The following MECR variants were observed in gnomAD, a reference collection of about 807,000 sequenced individuals.
The protein encoded by MECR is mitochondrial trans-2-enoyl-CoA reductase.
Under a neutral mutation model 49.1 loss-of-function variants are expected in MECR, and 37 were observed. The observed-to-expected ratio is 0.75, with a 90% CI of 0.58 to 0.99. MECR has a LOEUF of 0.99. MECR is among the 50% of genes least tolerant of loss of function. The pLI is 0.00. For missense variants in MECR, 470 were observed against 479.6 expected, an observed-to-expected ratio of 0.98 and a Z score of 0.19; for synonymous variants, 198 against 191.1, an observed-to-expected ratio of 1.04 and a Z score of -0.30.
Position 29,204,572 on chromosome 1 carries a change from A to C in MECR, c.551-1339T>G, listed in dbSNP as rs568264353. On this transcript the variant is annotated intron_variant, in intron 4 of 9. Coordinates refer to ENST00000263702, the MANE Select transcript of MECR (RefSeq NM_016011.5). The stretch of plus-strand genomic sequence containing the variant: ...ATTATATATATATTCCTATTTGTAT[A>C]AACTGATCACAATATAAAATGTAAT... Among the ~76,000 whole-genome samples the C allele has an allele frequency of 2.0e-5, 3 of 152,336 alleles. No homozygotes were observed. In the East Asian group the frequency reaches 5.8e-4, roughly 29 times the overall value.
At chr1:29,190,556 G>A (rs574907724), downstream of MECR, among the ~76,000 whole-genome samples, 2 of 152,212 alleles carry the variant, frequency 1.3e-5, no homozygotes, top group Non-Finnish European at 2.9e-5. Context: ...CACTTTGGGA[G>A]GCAGAGGCCA....
intron 5 of MECR, 21 bp downstream of exon 5, chr1:29,203,110 G>T (rs1254428203): frequency 6.5e-7 from 1 of 1,545,820 alleles, no homozygotes. Context: ...GGTCTGGGAT[G>T]AAGCCTCCTT....
At chr1:29,202,267 C>T (rs1675507463) in intron 5 of MECR, among the ~76,000 whole-genome samples, 1 of 152,198 alleles carries the variant, frequency 6.6e-6, no homozygotes. Context: ...GGGTGGTTTT[C>T]ACAGGCCCTG....
At chr1:29,194,255 T>C (rs1409925076) in intron 9 of MECR, 76 bp from the exon 10 acceptor site, 2 of 1,469,380 alleles carry the variant, frequency 1.4e-6, no homozygotes, top group Non-Finnish European at 1.8e-6. Flanking sequence ...GGCTGCCCTA[T>C]GGGCAGGAGC....
intron 4 of MECR, 81 bp from the exon 5 acceptor site, chr1:29,203,314 G>T: frequency 1.8e-6 from 2 of 1,110,844 alleles, no homozygotes; most frequent in Non-Finnish European, 1.3e-6. Flanking sequence ...GGATCCTTCT[G>T]TAGGCAAGGG....
chr1:29,181,039 T>C, the MECR span, among the ~76,000 whole-genome samples: 1 of 152,204 alleles, frequency 6.6e-6, no homozygotes, highest in South Asian at 2.1e-4. Flanking sequence ...TAATTTACTC[T>C]TGCAGAGGGA....
the MECR span, chr1:29,181,994 TG>T: frequency 2.8e-6 from 1 of 352,774 alleles, no homozygotes; most frequent in Non-Finnish European, 5.0e-6. Flanking sequence ...CGGCCAGGAC[TG>T]GGGGAGGAGC....
At chr1:29,223,185 G>A (rs2151912128) in intron 1 of MECR, 1 of 985,378 alleles carries the variant, frequency 1.0e-6, no homozygotes. Flanking sequence ...AACTCGAGGG[G>A]ATGCCACTGT....
At chr1:29,229,337 G>A (rs1187911241) in intron 1 of MECR, among the ~76,000 whole-genome samples, 1 of 151,992 alleles carries the variant, frequency 6.6e-6, no homozygotes, top group Non-Finnish European at 1.5e-5. Flanking sequence ...TGAGTAGCAG[G>A]GATTACAGGT....
At chr1:29,175,047 T>C in the MECR span, among the ~76,000 whole-genome samples, 1 of 150,762 alleles carries the variant, frequency 6.6e-6, no homozygotes, top group Non-Finnish European at 1.5e-5. Context: ...CCCATACCTG[T>C]ATGTGAAAAA....
intron 3 of MECR, among the ~76,000 whole-genome samples, chr1:29,213,019 T>A (rs1418213813): frequency 1.3e-5 from 2 of 152,246 alleles, no homozygotes; most frequent in African/African-American, 4.8e-5. Context: ...TCTTCCAGAC[T>A]GAGTTCAAGC....
intron 3 of MECR, among the ~76,000 whole-genome samples, chr1:29,210,705 T>C (rs373197173): frequency 2.0e-5 from 3 of 152,312 alleles, no homozygotes; most frequent in African/African-American, 4.8e-5. Context: ...CAAGTAGAAC[T>C]CTTAGGCTTG....
chr1:29,181,656 G>A, the MECR span: 38 of 1,591,858 alleles, frequency 2.4e-5, no homozygotes, highest in Non-Finnish European at 3.2e-5. Context: ...CCGTTCTTCA[G>A]ATCCACCTCC....
the MECR span, among the ~76,000 whole-genome samples, chr1:29,184,890 C>T: frequency 2.6e-5 from 4 of 152,134 alleles, no homozygotes; most frequent in Non-Finnish European, 4.4e-5. Flanking sequence ...TTTGGGAGGC[C>T]GAGGTGGGTG....
At chr1:29,216,505 C>A in intron 2 of MECR, 83 bp downstream of exon 2, 1 of 1,375,110 alleles carries the variant, frequency 7.3e-7, no homozygotes, top group South Asian at 1.2e-5. Context: ...AGGCATTTCA[C>A]ACCCACACCT....
intron 3 of MECR, 28 bp downstream of exon 3, chr1:29,215,977 T>C (rs1307356884): frequency 6.2e-7 from 1 of 1,612,506 alleles, no homozygotes; most frequent in African/African-American, 1.3e-5. Flanking sequence ...GAAGAACGAA[T>C]AGGCAGCTGA....
In MECR at chr1:29,193,932, T is replaced by G. The variant is rs796214072; in HGVS notation, c.*90A>C. The G allele has an allele frequency of 1.4e-5, 21 of 1,478,968 alleles. No homozygotes were observed. The African/African-American group carries it at 2.5e-4, about 18-fold the overall frequency. The allele number at this position is 1,478,968 out of a possible 1,614,324, so 91.6% of individuals were successfully genotyped here. A position where few individuals can be genotyped will look rare whatever the true frequency, so the allele number is the denominator to read the frequency against. On this transcript the variant is annotated 3_prime_UTR_variant, in exon 10 of 10. Transcript: ENST00000263702. Reference sequence around the variant, plus strand: ...AGAGGCAGTGAGGAGAACAGTAGTCTGGGGAAGGTGGGAGCCCCAACTGAG... The same window carrying G: ...AGAGGCAGTGAGGAGAACAGTAGTCGGGGGAAGGTGGGAGCCCCAACTGAG...
the MECR span, among the ~76,000 whole-genome samples, chr1:29,180,516 A>C: frequency 6.6e-6 from 1 of 152,228 alleles, no homozygotes; most frequent in Non-Finnish European, 1.5e-5. Context: ...AAACATACTT[A>C]GGTAACTTTC....
intron 3 of MECR, among the ~76,000 whole-genome samples, chr1:29,208,238 C>T (rs1341322270): frequency 1.3e-5 from 2 of 152,154 alleles, no homozygotes; most frequent in Admixed American, 6.5e-5. Context: ...CTGATCCGCC[C>T]GCCTCGGCCT....
Sources: gnomAD v4.1 joint callset for allele counts (sites outside exome capture counted in the v4.1 genomes callset) on GRCh38, gnomAD v4.1.1 for gene constraint, MANE v1.5 for transcripts, NCBI Gene and HGNC (gene_info 2026-07-23, HGNC 2026-07-21) for gene names.